CARMIL1: variants seen among roughly 807,000 people sequenced by gnomAD.
CARMIL1 encodes the protein capping protein regulator and myosin 1 linker 1, also known as F-actin-uncapping protein LRRC16A.
In CARMIL1, 90 loss-of-function variants were observed where a neutral mutation model predicts 177.1. The ratio of observed to expected loss-of-function variants is 0.51; its 90% CI spans 0.43 to 0.61. The LOEUF is 0.61. Among genes scored for constraint, CARMIL1 ranks in the 20% least tolerant of loss-of-function variants. The pLI is 0.00. For synonymous variants in CARMIL1, 577 were observed against 606.2 expected, an observed-to-expected ratio of 0.95 and a Z score of 0.71; for missense variants, 1,380 against 1,667.0, an observed-to-expected ratio of 0.83 and a Z score of 3.00.
chr6:25,465,795 A>G, intron 8 of CARMIL1, 78 bp from the exon 9 acceptor site: 1 of 831,424 alleles, frequency 1.2e-6, no homozygotes, highest in Non-Finnish European at 2.1e-6. Context: ...GTGAACTTGG[A>G]TGTCATGGAT....
intron 2 of CARMIL1, among the ~76,000 whole-genome samples, chr6:25,305,432 A>AT (rs1244688067): frequency 6.6e-6 from 1 of 152,232 alleles, no homozygotes. Context: ...AAGGTAAGAC[A>AT]ATCCACGGGT....
chr6:25,329,066 C>T (rs1785370926), intron 2 of CARMIL1, among the ~76,000 whole-genome samples: 1 of 152,164 alleles, frequency 6.6e-6, no homozygotes, highest in African/African-American at 2.4e-5. Context: ...TGATAATGAG[C>T]AACTTAGGCG....
chr6:25,363,944 GTTTC>G (rs1293389810), intron 2 of CARMIL1, among the ~76,000 whole-genome samples: 25 of 151,318 alleles, frequency 1.7e-4, no homozygotes, highest in Admixed American at 1.4e-3. Context: ...CTTCTCTCTC[GTTTC>G]TTTCTTTTTT....
chr6:25,451,995 T>TC (rs748360806), intron 8 of CARMIL1: 25,167 of 141,580 alleles, frequency 0.18, 4,034 homozygotes, highest in African/African-American at 0.39. Flanking sequence ...TGCCCCCCCC[T>TC]CCCCCCCCCA....
At position 25,426,299 on chromosome 6, in the gene CARMIL1, GAA is replaced by G. The variant is rs1165870250; in HGVS notation, c.190-200_190-199del. Among the ~76,000 whole-genome samples, 6 of 151,918 alleles carry G rather than the reference GAA, an allele frequency of 3.9e-5. No individual in the cohort carries two copies. In the East Asian group the frequency reaches 1.2e-3, roughly 29 times the overall value. On this transcript the variant is annotated intron_variant, in intron 3 of 36. Transcript: ENST00000329474. ...TTTTTAGTAAAGTAACACCTTTTCT[GAA>G]ATTTGATAAATCATGTTTCTATCTT... is the stretch of plus-strand genomic sequence containing the variant.
At chr6:25,479,556 A>AT (rs796646321) in intron 11 of CARMIL1, among the ~76,000 whole-genome samples, 11 of 152,060 alleles carry the variant, frequency 7.2e-5, no homozygotes, top group African/African-American at 2.4e-4. Flanking sequence ...TCATTTATTT[A>AT]TTTTACCAGT....
rs375619766 is a variant in CARMIL1, at chr6:25,471,149, A to G, written c.691-20A>G. 1.6e-5 allele frequency: 24 copies of G among 1,539,436 alleles called. No individual in the cohort carries two copies. Among genetic ancestry groups the G allele is most frequent in the Non-Finnish European group, 2.1e-5 (24 of 1,123,784 alleles). On this transcript the variant is annotated intron_variant, in intron 9 of 36. Coordinates refer to ENST00000329474, the MANE Select transcript of CARMIL1 (RefSeq NM_017640.6). ...CTTCTTTAGAGTTATGGAATAGTCA[A>G]AGAATGTTTTCTGTTACAGTCCACT...
At chr6:25,302,715 G>A (rs1001866143) in intron 2 of CARMIL1, among the ~76,000 whole-genome samples, 3 of 152,150 alleles carry the variant, frequency 2.0e-5, no homozygotes, top group African/African-American at 4.8e-5. Context: ...ATCAATAACA[G>A]CGATGCTGGG....
chr6:25,360,939 T>C (rs535779545), intron 2 of CARMIL1, among the ~76,000 whole-genome samples: 3 of 152,338 alleles, frequency 2.0e-5, no homozygotes, highest in South Asian at 2.1e-4. Flanking sequence ...CCCAGTTAAG[T>C]TGAGGTTTTA....
intron 2 of CARMIL1, among the ~76,000 whole-genome samples, chr6:25,372,718 A>G (rs1182233379): frequency 6.6e-6 from 1 of 152,138 alleles, no homozygotes; most frequent in Non-Finnish European, 1.5e-5. Flanking sequence ...CTCTTTTCCA[A>G]TTTGGATACC....
chr6:25,436,567 T>G (rs1276633808), intron 5 of CARMIL1, among the ~76,000 whole-genome samples: 1 of 152,194 alleles, frequency 6.6e-6, no homozygotes, highest in Non-Finnish European at 1.5e-5. Flanking sequence ...ATTTAAACCT[T>G]ATGGATGACT....
Position 25,279,819 on chromosome 6 carries a change from T to G in CARMIL1, c.24T>G (p.Val8=), listed in dbSNP as rs780318462. The change falls in exon 1 of 37, where the codon GTT becomes GTG. Residue 8 remains valine (V), a synonymous_variant. Coordinates refer to ENST00000329474, the MANE Select transcript of CARMIL1 (RefSeq NM_017640.6). The part of the protein sequence containing the change: MTEESSD[V]PRELIESIKD... Reference sequence around the variant, plus strand: ...CCATGACCGAGGAGAGCTCTGACGTTCCCAGGGAGTTGATAGGTAAGATTC... The same window carrying G: ...CCATGACCGAGGAGAGCTCTGACGTGCCCAGGGAGTTGATAGGTAAGATTC... The G allele has an allele frequency of 6.2e-7, 1 of 1,613,966 alleles. No individual in the cohort carries two copies. Among genetic ancestry groups the G allele is most frequent in the Non-Finnish European group, 8.5e-7 (1 of 1,179,894 alleles).
At chr6:25,412,654 A>G (rs550872075) in intron 2 of CARMIL1, among the ~76,000 whole-genome samples, 84 of 152,282 alleles carry the variant, frequency 5.5e-4, no homozygotes, top group Non-Finnish European at 9.3e-4. Flanking sequence ...TAAATAATGG[A>G]GCTTGGTTTC....
At chr6:25,283,046 G>A (rs1781263228) in intron 1 of CARMIL1, among the ~76,000 whole-genome samples, 2 of 152,172 alleles carry the variant, frequency 1.3e-5, no homozygotes. Context: ...TATTTTGGAG[G>A]ATAAGTAGAA....
intron 2 of CARMIL1, among the ~76,000 whole-genome samples, chr6:25,298,211 A>T (rs1453812561): frequency 1.3e-5 from 2 of 152,236 alleles, no homozygotes; most frequent in Non-Finnish European, 2.9e-5. Context: ...GTGTCGTGAT[A>T]ATGCTAAATG....
chr6:25,587,104 A>C (rs1813827040), intron 31 of CARMIL1, among the ~76,000 whole-genome samples: 1 of 152,038 alleles, frequency 6.6e-6, no homozygotes, highest in African/African-American at 2.4e-5. Context: ...AGGCACAAAA[A>C]TTTAACCTTA....
chr6:25,575,108 ATAACCCAGTAAG>A (rs1812464026), intron 29 of CARMIL1, among the ~76,000 whole-genome samples: 1 of 152,234 alleles, frequency 6.6e-6, no homozygotes, highest in Admixed American at 6.5e-5. Flanking sequence ...TTAAAGTCCC[ATAACCCAGTAAG>A]TAGCAGGTTC....
chr6:25,287,830 C>T (rs1781635731), intron 2 of CARMIL1, among the ~76,000 whole-genome samples: 1 of 152,192 alleles, frequency 6.6e-6, no homozygotes, highest in Non-Finnish European at 1.5e-5. Context: ...TCCATGGTTG[C>T]TGACTTCAAA....
At chr6:25,338,761 T>C (rs1316333841) in intron 2 of CARMIL1, among the ~76,000 whole-genome samples, 1 of 152,232 alleles carries the variant, frequency 6.6e-6, no homozygotes, top group Non-Finnish European at 1.5e-5. Context: ...ACAAACTATT[T>C]TGATGAATGA....
Sources: gnomAD v4.1 joint callset for allele counts (sites outside exome capture counted in the v4.1 genomes callset) on GRCh38, gnomAD v4.1.1 for gene constraint, MANE v1.5 for transcripts, NCBI Gene and HGNC (gene_info 2026-07-23, HGNC 2026-07-21) for gene names.